Variants in HIVEP2 observed in about 807,000 individuals in gnomAD.
HIVEP2 encodes HIVEP zinc finger 2, also known as transcription factor HIVEP2.
HIVEP2 carries 14 observed loss-of-function variants against 180.7 expected under a neutral mutation model. That is an observed-to-expected ratio of 0.08 (90% CI 0.05 to 0.12). HIVEP2 has a LOEUF of 0.12. Among genes scored for constraint, HIVEP2 ranks in the 10% least tolerant of loss-of-function variants. The pLI is 1.00. For synonymous variants in HIVEP2, 1,184 were observed against 1,136.4 expected (o/e 1.04, Z -0.84); for missense variants, 2,579 against 3,008.5 (o/e 0.86, Z 3.34).
chr6:142,796,300 C>G (rs536814087), intron 2 of HIVEP2, among the ~76,000 whole-genome samples: 1 of 152,224 alleles, frequency 6.6e-6, no homozygotes, highest in East Asian at 1.9e-4. Flanking sequence ...TACCCCTACC[C>G]TGGACCGAGC....
At chr6:142,898,260 A>G (rs1562283542) in intron 1 of HIVEP2, among the ~76,000 whole-genome samples, 1 of 152,238 alleles carries the variant, frequency 6.6e-6, no homozygotes, top group Non-Finnish European at 1.5e-5. Flanking sequence ...CTAAGAATGC[A>G]CAGGTGATAA....
intron 2 of HIVEP2, among the ~76,000 whole-genome samples, chr6:142,826,921 G>C (rs1176427176): frequency 6.6e-6 from 1 of 152,162 alleles, no homozygotes; most frequent in Non-Finnish European, 1.5e-5. Context: ...CTGCCGGCCT[G>C]GGATAAAACA....
intron 2 of HIVEP2, among the ~76,000 whole-genome samples, chr6:142,812,885 G>C (rs1444142444): frequency 6.6e-6 from 1 of 152,120 alleles, no homozygotes; most frequent in African/African-American, 2.4e-5. Context: ...TTGAAGAAAA[G>C]ATTAGTGAAC....
At chr6:142,905,492 C>T (rs576098392) in intron 1 of HIVEP2, among the ~76,000 whole-genome samples, 84 of 152,280 alleles carry the variant, frequency 5.5e-4, no homozygotes, top group African/African-American at 1.8e-3. Flanking sequence ...AGTAGTGTTA[C>T]AAATGCTCAA....
At chr6:142,835,309 T>C (rs1415706991) in intron 2 of HIVEP2, among the ~76,000 whole-genome samples, 1 of 152,172 alleles carries the variant, frequency 6.6e-6, no homozygotes, top group East Asian at 1.9e-4. Context: ...CCATCTGCAC[T>C]CAATGTCCAG....
chr6:142,944,969 G>A (rs1778282142), intron 1 of HIVEP2, 130 bp downstream of exon 1: 1 of 151,478 alleles, frequency 6.6e-6, no homozygotes, highest in South Asian at 2.1e-4. Flanking sequence ...GGGAGGTAAA[G>A]GGAGTCACTG....
chr6:142,915,364 A>T (rs1182946227), intron 1 of HIVEP2, among the ~76,000 whole-genome samples: 1 of 152,148 alleles, frequency 6.6e-6, no homozygotes, highest in Non-Finnish European at 1.5e-5. Flanking sequence ...TGAGGCAGAG[A>T]CTACAGTAAT....
chr6:142,833,606 C>T (rs1257740481), intron 2 of HIVEP2, among the ~76,000 whole-genome samples: 1 of 152,066 alleles, frequency 6.6e-6, no homozygotes, highest in Non-Finnish European at 1.5e-5. Flanking sequence ...TGAATGAAAA[C>T]TTATTAAATG....
In HIVEP2 at chr6:142,772,664, C is replaced by T; in HGVS notation, c.2075G>A (p.Cys692Tyr). 6.2e-7 allele frequency: 1 copy of T among 1,614,234 alleles called. No homozygotes were observed. The highest frequency in any genetic ancestry group is 8.5e-7 in the Non-Finnish European group (1 of 1,180,036). The change falls in exon 5 of 10, where the codon TGT (cysteine) becomes TAT (tyrosine). Residue 692 changes from cysteine to tyrosine, a missense_variant. Cys to Tyr is a radical substitution (Grantham distance 194). Around this residue, in one of 11 missense-constraint regions of HIVEP2, gnomAD observed 524 missense variants for 563.6 expected, o/e 0.93. Coordinates refer to ENST00000367603, the MANE Select transcript of HIVEP2 (RefSeq NM_006734.4). This position sits in a 1 kb window ranked among gnomAD's most constrained non-coding sequence, Gnocchi z 4.9. ...CTCTTTCCGGCGTTTCCTGTTTTCA[C>T]AGGTAGTTCCAAACATGCTTGGTAC... ...QGVPSMFGTT[C>Y]ENRKRRKEKS... is the part of the protein sequence containing the mutation.
chr6:142,894,686 C>T (rs1402025143), intron 1 of HIVEP2, among the ~76,000 whole-genome samples: 1 of 152,140 alleles, frequency 6.6e-6, no homozygotes, highest in Non-Finnish European at 1.5e-5. Flanking sequence ...CTACTTTATT[C>T]CTGGAAAACA....
At chr6:142,938,948 G>A (rs997117852) in intron 1 of HIVEP2, among the ~76,000 whole-genome samples, 1 of 152,062 alleles carries the variant, frequency 6.6e-6, no homozygotes, top group Non-Finnish European at 1.5e-5. Flanking sequence ...AGTTAACCAC[G>A]AAATGAATCA....
intron 1 of HIVEP2, among the ~76,000 whole-genome samples, chr6:142,869,319 CA>C (rs1376471312): frequency 2.0e-5 from 3 of 150,072 alleles, no homozygotes; most frequent in East Asian, 1.9e-4. Context: ...TGCATGTAGC[CA>C]AAAAAAAGTA....
At chr6:142,931,689 A>G (rs1777946406) in intron 1 of HIVEP2, among the ~76,000 whole-genome samples, 1 of 152,172 alleles carries the variant, frequency 6.6e-6, no homozygotes. Context: ...CTACTTATAA[A>G]TGCAGTTGAA....
At chr6:142,862,991 T>C (rs1776042662) in intron 1 of HIVEP2, among the ~76,000 whole-genome samples, 1 of 141,870 alleles carries the variant, frequency 7.0e-6, no homozygotes, top group South Asian at 2.1e-4. Flanking sequence ...TATAATATGA[T>C]ATATAATTAC....
At chr6:142,870,010 G>A (rs542968926) in intron 1 of HIVEP2, among the ~76,000 whole-genome samples, 1 of 151,886 alleles carries the variant, frequency 6.6e-6, no homozygotes, top group Non-Finnish European at 1.5e-5. Flanking sequence ...TCACTCAGAG[G>A]CCACAAAGAG....
chr6:142,788,319 C>CG (rs1459021402), intron 2 of HIVEP2: 1 of 150,520 alleles, frequency 6.6e-6, no homozygotes, highest in African/African-American at 2.4e-5. Context: ...AAAAAAAATC[C>CG]CCCCCTCAAA....
Position 142,753,548 on chromosome 6 carries a change from G to A in HIVEP2, c.6900C>T (p.Ser2300=). The change falls in exon 10 of 10, where the codon TCC becomes TCT. Residue 2300 remains serine, a synonymous_variant. Coordinates refer to ENST00000367603, the MANE Select transcript of HIVEP2 (RefSeq NM_006734.4). Reference sequence around the variant, plus strand: ...TCTGTTTCATCAACAGCCGAGGAGAGGAGGGAGTGCTAGGTGGACCAGATG... The same window carrying A: ...TCTGTTTCATCAACAGCCGAGGAGAAGAGGGAGTGCTAGGTGGACCAGATG... ...LQSSGPPSTP[S]SPRLLMKQST... The A allele has an allele frequency of 1.2e-6, 2 of 1,614,200 alleles. No homozygotes were observed. Among genetic ancestry groups the A allele is most frequent in the Non-Finnish European group, 1.7e-6 (2 of 1,180,026 alleles).
chr6:142,876,986 T>C (rs1036456912), intron 1 of HIVEP2, among the ~76,000 whole-genome samples: 3 of 152,070 alleles, frequency 2.0e-5, no homozygotes, highest in Non-Finnish European at 2.9e-5. Context: ...GGGGTTGAGA[T>C]TGCAGTAAGC....
In HIVEP2 at chr6:142,772,621, T is replaced by C. The variant is rs1180765755; in HGVS notation, c.2118A>G (p.Glu706=). Residue 706 remains glutamate, a synonymous_variant, in exon 5 of 10, where the codon GAA becomes GAG. Coordinates refer to ENST00000367603, the MANE Select transcript of HIVEP2 (RefSeq NM_006734.4). The surrounding 1 kb of genome is among the most constrained non-coding windows in gnomAD (Gnocchi z 4.9). The stretch of plus-strand genomic sequence containing the variant: ...TGCTGCAGATCATGGGCGTGTCCTC[T>C]TCATCCCCTACGCTCTTCTCTTTCC... ...KRRKEKSVGD[E]EDTPMICSSI... 5.0e-6 allele frequency: 8 copies of C among 1,614,114 alleles called. No individual in the cohort carries two copies. Among genetic ancestry groups the C allele is most frequent in the Non-Finnish European group, 5.9e-6 (7 of 1,180,034 alleles).
Sources: gnomAD v4.1 joint callset for allele counts (sites outside exome capture counted in the v4.1 genomes callset) on GRCh38, gnomAD v4.1.1 for gene constraint, gnomAD v4.1.1 regional missense constraint, Gnocchi (gnomAD v3.1) non-coding constraint, MANE v1.5 for transcripts, NCBI Gene and HGNC (gene_info 2026-07-23, HGNC 2026-07-21) for gene names.